The following SKI variants were observed in gnomAD, a reference collection of about 807,000 sequenced individuals.
The protein encoded by SKI is SKI proto-oncogene.
Under a neutral mutation model 59.3 loss-of-function variants are expected in SKI, and 23 were observed. The observed-to-expected ratio is 0.39, with a 90% CI of 0.28 to 0.55. The LOEUF (loss-of-function observed/expected upper bound fraction) is 0.55, where lower values mean the gene tolerates loss of function less well. SKI is among the 20% of genes least tolerant of loss of function. The pLI is 0.67. For missense variants in SKI, 1,017 were observed against 1,038.9 expected (o/e 0.98, Z 0.29); for synonymous variants, 673 against 488.6 (o/e 1.38, Z -4.98).
Position 2,307,482 on chromosome 1 carries a change from C to T in SKI, c.*717C>T, listed in dbSNP as rs1392887160. ...GGAGCTGAGGGGACGGTCTTCGGCT[C>T]CTCTGCACCCCGTGATTCTGCCCAC... On this transcript the variant is annotated 3_prime_UTR_variant, in exon 7 of 7. Transcript: ENST00000378536. The T allele has an allele frequency of 2.0e-5, 3 of 152,382 alleles. No individual in the cohort carries two copies. The highest frequency in any genetic ancestry group is 7.2e-5 in the African/African-American group (3 of 41,446). 9.4% of individuals were successfully genotyped at this position (152,382 alleles called of 1,614,324 possible).
rs776555446 is a variant in SKI at position 2,303,977 on chromosome 1, C to T, written c.1349C>T (p.Thr450Ile). 3 of 1,612,490 alleles carry T rather than the reference C, an allele frequency of 1.9e-6. No homozygotes were observed. The highest frequency in any genetic ancestry group is 1.1e-5 in the South Asian group (1 of 91,066). Residue 450 changes from threonine (T) to isoleucine (I), a missense_variant, in exon 4 of 7, where the codon ACC becomes ATC. Transcript: ENST00000378536. This position sits in a 1 kb window ranked among gnomAD's most constrained non-coding sequence, Gnocchi z 5.6. Reference sequence around the variant, plus strand: ...GCCCCCGAGCCTCTCGCCACTTGCACCCAGCCTCGGAAGCGGAAGCTGACT... The same window carrying T: ...GCCCCCGAGCCTCTCGCCACTTGCATCCAGCCTCGGAAGCGGAAGCTGACT... The part of the protein sequence containing the change: ...SRAPEPLATC[T>I]QPRKRKLTVD...
Position 2,304,142 on chromosome 1 carries a change from T to C in SKI, c.1474+40T>C, listed in dbSNP as rs1243971205. On this transcript the variant is annotated intron_variant, in intron 4 of 6. Transcript: ENST00000378536. ...CTTTCTGTGCCTCCTCCCTGTGGGC[T>C]GTGGGGGTGGCACTGGCTGAGGGGG... 6.2e-6 allele frequency: 10 copies of C among 1,608,086 alleles called. 1 individual carries two copies. The South Asian group carries it at 1.1e-4, about 18-fold the overall frequency.
Position 2,267,028 on chromosome 1 carries a change from C to T in SKI, c.970-35950C>T, listed in dbSNP as rs969080882. Among the ~76,000 whole-genome samples, 2 of 152,044 alleles carry T rather than the reference C, an allele frequency of 1.3e-5. No individual in the cohort carries two copies. Among genetic ancestry groups the T allele is most frequent in the African/African-American group, 4.8e-5 (2 of 41,358 alleles). ...TGCTGACTGGCACATCCATTGTGAG[C>T]GGATGTGTTTTCCTTCTGCAATAAT... On this transcript the variant is annotated intron_variant, in intron 1 of 6. Coordinates refer to ENST00000378536, the MANE Select transcript of SKI (RefSeq NM_003036.4). This position sits in a 1 kb window ranked among gnomAD's most constrained non-coding sequence, Gnocchi z 4.1.
intron 1 of SKI, among the ~76,000 whole-genome samples, chr1:2,251,421 C>T (rs930334287): frequency 3.9e-5 from 6 of 152,232 alleles, no homozygotes; most frequent in Non-Finnish European, 8.8e-5. Flanking sequence ...CGCTCCCTCC[C>T]CCTGCCCCAG....
chr1:2,295,191 G>A (rs948488828), intron 1 of SKI, among the ~76,000 whole-genome samples: 2 of 152,210 alleles, frequency 1.3e-5, no homozygotes, highest in African/African-American at 2.4e-5. Flanking sequence ...GTCCACGCAG[G>A]TGTGCCAGTG....
intron 1 of SKI, among the ~76,000 whole-genome samples, chr1:2,242,806 C>T (rs1267945494): frequency 6.6e-6 from 1 of 152,204 alleles, no homozygotes; most frequent in Non-Finnish European, 1.5e-5. Flanking sequence ...CCACTCCTGG[C>T]CTGAAAGTAT....
chr1:2,306,638 A>G lies in SKI; in HGVS notation c.2060A>G (p.Asp687Gly), dbSNP rs908487491. Reference protein sequence around the residue: ...AEADREQLRADLLREREAREH... With the variant: ...AEADREQLRAGLLREREAREH... ...GCGGACCGGGAGCAGCTGCGGGCCG[A>G]CCTGCTGCGGGAGCGCGAGGCCCGG... Residue 687 changes from aspartate (D) to glycine (G), a missense_variant, in exon 7 of 7, where the codon GAC (aspartate) becomes GGC (glycine). Physicochemically the swap from Asp to Gly is moderately conservative, Grantham distance 94. Coordinates refer to ENST00000378536, the MANE Select transcript of SKI (RefSeq NM_003036.4). 1.3e-6 allele frequency: 2 copies of G among 1,544,812 alleles called. No individual in the cohort carries two copies. Among genetic ancestry groups the G allele is most frequent in the African/African-American group, 1.4e-5 (1 of 72,664 alleles).
At chr1:2,278,181 G>A (rs780311584) in intron 1 of SKI, among the ~76,000 whole-genome samples, 2 of 152,214 alleles carry the variant, frequency 1.3e-5, no homozygotes, top group Non-Finnish European at 2.9e-5. Flanking sequence ...GTCCCAAAGT[G>A]CTGCTCCCAC....
At chr1:2,279,960 A>G (rs1639835662) in intron 1 of SKI, among the ~76,000 whole-genome samples, 2 of 152,166 alleles carry the variant, frequency 1.3e-5, no homozygotes, top group South Asian at 4.1e-4. Context: ...TTGTTAAAAC[A>G]TGGGTTAAAT....
At chr1:2,274,904 C>A (rs1639707489) in intron 1 of SKI, among the ~76,000 whole-genome samples, 1 of 152,238 alleles carries the variant, frequency 6.6e-6, no homozygotes, top group Non-Finnish European at 1.5e-5. Context: ...GGACAAGACC[C>A]TTGTGAGGGT....
intron 1 of SKI, among the ~76,000 whole-genome samples, chr1:2,271,780 C>A (rs1398326128): frequency 6.6e-6 from 1 of 152,066 alleles, no homozygotes; most frequent in East Asian, 1.9e-4. Flanking sequence ...TGCAGGCCTC[C>A]CCCCAACCTC....
chr1:2,237,682 A>G (rs1387788257), intron 1 of SKI, among the ~76,000 whole-genome samples: 1 of 152,244 alleles, frequency 6.6e-6, no homozygotes, highest in African/African-American at 2.4e-5. Flanking sequence ...ACTATGGAGC[A>G]GATGTATCTT....
chr1:2,228,972 A>G lies in SKI; in HGVS notation c.206A>G (p.Glu69Gly), dbSNP rs1248598463. ...AVPAPVPAAT[E>G]PPPVLHLPAI... is the part of the protein sequence containing the mutation. ...CCGGCGCCGGTGCCCGCAGCCACCG[A>G]GCCGCCGCCCGTGCTGCACCTGCCC... Residue 69 changes from glutamate (E) to glycine (G), a missense_variant, in exon 1 of 7, where the codon GAG becomes GGG. Glu to Gly is a moderately conservative substitution (Grantham distance 98, BLOSUM62 -2). Transcript: ENST00000378536. The G allele has an allele frequency of 6.9e-7, 1 of 1,448,144 alleles. No homozygotes were observed. Among genetic ancestry groups the G allele is most frequent in the South Asian group, 1.3e-5 (1 of 74,122 alleles). The allele number at this position is 1,448,144 out of a possible 1,614,324, so 89.7% of individuals were successfully genotyped here.
At position 2,306,853 on chromosome 1, in the gene SKI, G is replaced by A; in HGVS notation, c.*88G>A. ...TGCAGCTCCGCCCGGCTCCGCCCCT[G>A]CAGCCCACACAGCACAACGTCTTAC... On this transcript the variant is annotated 3_prime_UTR_variant, in exon 7 of 7. Transcript: ENST00000378536. The A allele has an allele frequency of 1.1e-6, 1 of 923,920 alleles. No individual in the cohort carries two copies. The highest frequency in any genetic ancestry group is 2.4e-5 in the South Asian group (1 of 41,430). 57.2% of individuals were successfully genotyped at this position (923,920 alleles called of 1,614,324 possible). A position where few individuals can be genotyped will look rare whatever the true frequency, so the allele number is the denominator to read the frequency against.
intron 6 of SKI, 84 bp from the exon 7 acceptor site, chr1:2,306,493 C>T (rs1019261009): frequency 2.3e-5 from 32 of 1,387,714 alleles, no homozygotes; most frequent in African/African-American, 2.2e-4. Context: ...CAGGGAGCGG[C>T]GCAGGAGCCT....
rs1218432850 is a variant in SKI, at chr1:2,282,440, G to C, written c.970-20538G>C. On this transcript the variant is annotated intron_variant, in intron 1 of 6. Coordinates refer to ENST00000378536, the MANE Select transcript of SKI (RefSeq NM_003036.4). ...AGGATGCCCGAGAAGACAGGCGGTGGCGGAGATCTTCAGAGAGAGGACGCC... is the reference window on the plus strand; with the variant it reads ...AGGATGCCCGAGAAGACAGGCGGTGCCGGAGATCTTCAGAGAGAGGACGCC... Among the ~76,000 whole-genome samples, 39 of 102,840 alleles carry C rather than the reference G, an allele frequency of 3.8e-4. 4 individuals are homozygous for C. The highest frequency in any genetic ancestry group is 2.9e-3 in the Admixed American group (31 of 10,636). 67.5% of individuals were successfully genotyped at this position (102,840 alleles called of 152,430 possible).
intron 1 of SKI, among the ~76,000 whole-genome samples, chr1:2,240,101 T>C (rs1360681803): frequency 6.6e-6 from 1 of 152,254 alleles, no homozygotes; most frequent in African/African-American, 2.4e-5. Flanking sequence ...TGGGGTCTCT[T>C]GTCCTGGTTT....
rs1639575431 is a variant in SKI, at chr1:2,269,715, T to C, written c.970-33263T>C. Among the ~76,000 whole-genome samples, 1 of 152,244 alleles carries C rather than the reference T, an allele frequency of 6.6e-6. No individual in the cohort carries two copies. The highest frequency in any genetic ancestry group is 6.5e-5 in the Admixed American group (1 of 15,286). On this transcript the variant is annotated intron_variant, in intron 1 of 6. Coordinates refer to ENST00000378536, the MANE Select transcript of SKI (RefSeq NM_003036.4). The surrounding 1 kb of genome is among the most constrained non-coding windows in gnomAD (Gnocchi z 4.7). Reference sequence around the variant, plus strand: ...ACCAGGGACAGTGGGGACGTGGCTGTGCACCGGGCCCAGGGCTGGCAGGAG... The same window carrying C: ...ACCAGGGACAGTGGGGACGTGGCTGCGCACCGGGCCCAGGGCTGGCAGGAG...
chr1:2,238,659 G>C (rs1638801646), intron 1 of SKI, among the ~76,000 whole-genome samples: 1 of 152,190 alleles, frequency 6.6e-6, no homozygotes, highest in Admixed American at 6.5e-5. Context: ...CAGGGCAGCC[G>C]AGCCACCCTC....
Sources: gnomAD v4.1 joint callset for allele counts (sites outside exome capture counted in the v4.1 genomes callset) on GRCh38, gnomAD v4.1.1 for gene constraint, Gnocchi (gnomAD v3.1) non-coding constraint, MANE v1.5 for transcripts, NCBI Gene and HGNC (gene_info 2026-07-23, HGNC 2026-07-21) for gene names.